Variants in DNAH7 observed in about 807,000 individuals in gnomAD.
DNAH7 encodes axonemal beta dynein heavy chain 7.
Under a neutral mutation model 444.6 loss-of-function variants are expected in DNAH7, and 397 were observed. The ratio of observed to expected loss-of-function variants is 0.89; its 90% CI spans 0.82 to 0.97. The LOEUF (loss-of-function observed/expected upper bound fraction) is 0.97. Among genes scored for constraint, DNAH7 ranks in the 50% least tolerant of loss-of-function variants. The pLI is 0.00. For synonymous variants in DNAH7, 1,636 were observed against 1,624.4 expected (o/e 1.01, Z -0.17); for missense variants, 4,902 against 4,800.8 (o/e 1.02, Z -0.62).
At chr2:195,900,695 T>C in intron 27 of DNAH7, 1 of 505,184 alleles carries the variant, frequency 2.0e-6, no homozygotes. Context: ...AAATGCAAAA[T>C]TTCAGGTACA....
intron 24 of DNAH7, among the ~76,000 whole-genome samples, chr2:195,916,597 C>T (rs1344159403): frequency 1.3e-5 from 2 of 152,202 alleles, no homozygotes; most frequent in Non-Finnish European, 2.9e-5. Flanking sequence ...GTGGCCCACA[C>T]CTGTAATCCC....
intron 5 of DNAH7, among the ~76,000 whole-genome samples, chr2:196,043,155 T>G (rs763483338): frequency 8.6e-5 from 13 of 151,856 alleles, no homozygotes; most frequent in African/African-American, 1.2e-4. Flanking sequence ...CTACAAAAAT[T>G]TGCTAAAACT....
At chr2:196,051,538 T>C (rs894078099) in intron 2 of DNAH7, among the ~76,000 whole-genome samples, 1 of 151,970 alleles carries the variant, frequency 6.6e-6, no homozygotes, top group South Asian at 2.1e-4. Context: ...GAGGCTGAGG[T>C]GGGCGGATCA....
At chr2:196,033,583 A>G (rs563605670) in intron 5 of DNAH7, among the ~76,000 whole-genome samples, 2 of 152,306 alleles carry the variant, frequency 1.3e-5, no homozygotes, top group South Asian at 2.1e-4. Flanking sequence ...TTCACTTAGC[A>G]TAGTGTTCTT....
At chr2:195,812,748 G>C (rs1336900785) in intron 51 of DNAH7, among the ~76,000 whole-genome samples, 2 of 152,110 alleles carry the variant, frequency 1.3e-5, no homozygotes, top group East Asian at 1.9e-4. Flanking sequence ...AAACAATCAG[G>C]TTGGCTAGTG....
At position 195,960,413 on chromosome 2, in the gene DNAH7, T is replaced by C. The variant is rs749294110; in HGVS notation, c.2738A>G (p.Asp913Gly). ...AGAATGGATGACAAATTCCACTGCA[T>C]CCCACTCAGTAATCATCTTCTCCAT... ...KAMEKMITEW[D>G]AVEFVIHSYR... The change falls in exon 18 of 65, where the codon GAT becomes GGT. Residue 913 changes from aspartate to glycine, a missense_variant. Coordinates refer to ENST00000312428, the MANE Select transcript of DNAH7 (RefSeq NM_018897.3). 4.3e-6 allele frequency: 7 copies of C among 1,614,072 alleles called. No homozygotes were observed. Among genetic ancestry groups the C allele is most frequent in the African/African-American group, 4.0e-5 (3 of 74,940 alleles).
intron 46 of DNAH7, among the ~76,000 whole-genome samples, chr2:195,852,054 T>C (rs577087194): frequency 1.3e-3 from 200 of 152,104 alleles, no homozygotes; most frequent in South Asian, 2.5e-3. Flanking sequence ...GTCAGGAGAT[T>C]GAGACCATCC....
At chr2:195,887,369 T>G (rs1701765839) in intron 33 of DNAH7, among the ~76,000 whole-genome samples, 1 of 151,418 alleles carries the variant, frequency 6.6e-6, no homozygotes, top group African/African-American at 2.5e-5. Context: ...CATATTTCAG[T>G]TACAGCCAAA....
intron 19 of DNAH7, among the ~76,000 whole-genome samples, chr2:195,946,131 A>C (rs1223752697): frequency 6.6e-6 from 1 of 152,170 alleles, no homozygotes; most frequent in Non-Finnish European, 1.5e-5. Context: ...GCCAGTGAAG[A>C]AGGGGCAAGA....
At chr2:195,932,018 T>C (rs1203504039) in intron 21 of DNAH7, among the ~76,000 whole-genome samples, 5 of 152,240 alleles carry the variant, frequency 3.3e-5, no homozygotes, top group Admixed American at 1.3e-4. Flanking sequence ...TTGGGCAGTA[T>C]GGCCATTTTC....
At chr2:195,779,519 TCCA>T (rs1695270598) in intron 58 of DNAH7, among the ~76,000 whole-genome samples, 1 of 152,136 alleles carries the variant, frequency 6.6e-6, no homozygotes, top group South Asian at 2.1e-4. Context: ...AATAGTGAGG[TCCA>T]CAATTATTTC....
At chr2:195,742,315 C>A (rs1050125248) in intron 63 of DNAH7, among the ~76,000 whole-genome samples, 5 of 152,190 alleles carry the variant, frequency 3.3e-5, no homozygotes, top group Non-Finnish European at 7.3e-5. Context: ...AGAGAACCTA[C>A]ACACAGGTCC....
Position 195,799,602 on chromosome 2 carries a change from G to C in DNAH7, c.10177-130C>G, listed in dbSNP as rs1398774402. 4.8e-6 allele frequency: 3 copies of C among 622,088 alleles called. No individual in the cohort carries two copies. The African/African-American group carries it at 5.7e-5, about 12-fold the overall frequency. 38.5% of individuals were successfully genotyped at this position (622,088 alleles called of 1,614,324 possible). A position where few individuals can be genotyped will look rare whatever the true frequency, so the allele number is the denominator to read the frequency against. Reference sequence around the variant, plus strand: ...TAGTTTAGGTATTCATTAATGGTGGGGAGTCCAAGGCATCAATGTTTATAT... The same window carrying C: ...TAGTTTAGGTATTCATTAATGGTGGCGAGTCCAAGGCATCAATGTTTATAT... On this transcript the variant is annotated intron_variant, in intron 54 of 64. Coordinates refer to ENST00000312428, the MANE Select transcript of DNAH7 (RefSeq NM_018897.3).
intron 45 of DNAH7, among the ~76,000 whole-genome samples, chr2:195,853,995 GTTAAA>G (rs1182829612): frequency 4.6e-5 from 7 of 152,232 alleles, no homozygotes; most frequent in African/African-American, 1.7e-4. Flanking sequence ...TTTTCAGGTT[GTTAAA>G]TTGTGTCAAA....
chr2:195,793,952 T>C (rs572395983), intron 57 of DNAH7, among the ~76,000 whole-genome samples: 3 of 152,284 alleles, frequency 2.0e-5, no homozygotes, highest in Admixed American at 6.5e-5. Context: ...ATTATAGTTA[T>C]ATGAAGGAAA....
Position 196,047,484 on chromosome 2 carries a change from C to A in DNAH7, c.266G>T (p.Arg89Leu). Residue 89 changes from arginine to leucine, a missense_variant, in exon 5 of 65, where the codon CGT becomes CTT. By Grantham distance (102) the Arg-to-Leu change is moderately radical. Coordinates refer to ENST00000312428, the MANE Select transcript of DNAH7 (RefSeq NM_018897.3). ...GGGTAATTTGCCCTTTTTTCCAAAA[C>A]GTTCCATGTATTCAGCTTAAATTAA... The part of the protein sequence containing the change: ...NEQSHAEYME[R>L]FGKKGKLPHQ... The A allele has an allele frequency of 6.3e-7, 1 of 1,589,352 alleles. No individual in the cohort carries two copies. The highest frequency in any genetic ancestry group is 8.6e-7 in the Non-Finnish European group (1 of 1,166,204).
chr2:195,825,424 TAA>T (rs1256747227), intron 48 of DNAH7, among the ~76,000 whole-genome samples: 9 of 152,192 alleles, frequency 5.9e-5, no homozygotes, highest in Non-Finnish European at 1.3e-4. Context: ...CTTAACAGCA[TAA>T]ATGTTTCCCC....
intron 49 of DNAH7, among the ~76,000 whole-genome samples, chr2:195,822,918 T>C (rs1051087954): frequency 2.9e-4 from 44 of 152,350 alleles, no homozygotes; most frequent in African/African-American, 1.1e-3. Context: ...GTAACACTCA[T>C]AGTAATACTA....
At chr2:196,009,068 C>A (rs1694563651) in intron 10 of DNAH7, among the ~76,000 whole-genome samples, 1 of 152,084 alleles carries the variant, frequency 6.6e-6, no homozygotes, top group African/African-American at 2.4e-5. Flanking sequence ...ACAACCAGAT[C>A]TTGTGTGAAC....
Sources: gnomAD v4.1 joint callset for allele counts (sites outside exome capture counted in the v4.1 genomes callset) on GRCh38, gnomAD v4.1.1 for gene constraint, MANE v1.5 for transcripts, NCBI Gene and HGNC (gene_info 2026-07-23, HGNC 2026-07-21) for gene names.